The following LMX1A variants were observed in gnomAD, a reference collection of about 807,000 sequenced individuals.
LMX1A encodes the protein LIM homeobox transcription factor 1 alpha, also known as LIM homeobox transcription factor 1-alpha.
LMX1A carries 15 observed loss-of-function variants against 49.1 expected under a neutral mutation model. The observed-to-expected ratio is 0.31, with a 90% CI of 0.20 to 0.47. The LOEUF (loss-of-function observed/expected upper bound fraction) is 0.47. Among genes scored for constraint, LMX1A ranks in the 20% least tolerant of loss-of-function variants. The pLI is 1.00. For synonymous variants in LMX1A, 167 were observed against 185.7 expected, an observed-to-expected ratio of 0.90 and a Z score of 0.82; for missense variants, 372 against 475.8, an observed-to-expected ratio of 0.78 and a Z score of 2.03.
chr1:165,348,589 CA>C (rs1656322737), intron 3 of LMX1A, among the ~76,000 whole-genome samples: 1 of 152,026 alleles, frequency 6.6e-6, no homozygotes, highest in South Asian at 2.1e-4. Flanking sequence ...GGAGTAGGGA[CA>C]ACAAAAGATA....
intron 3 of LMX1A, among the ~76,000 whole-genome samples, chr1:165,273,474 G>A (rs921921803): frequency 1.2e-4 from 18 of 152,234 alleles, no homozygotes; most frequent in African/African-American, 4.3e-4. Context: ...AGAAAGTCAG[G>A]TGAACCAACT....
At chr1:165,227,565 A>ATACATACATACATACG (rs1336366147) in intron 4 of LMX1A, among the ~76,000 whole-genome samples, 1 of 152,020 alleles carries the variant, frequency 6.6e-6, no homozygotes, top group Non-Finnish European at 1.5e-5. Context: ...ACATACATAC[A>ATACATACATACATACG]TACATACATA....
chr1:165,303,091 T>A (rs1015629906), intron 3 of LMX1A, among the ~76,000 whole-genome samples: 3 of 152,224 alleles, frequency 2.0e-5, no homozygotes, highest in African/African-American at 2.4e-5. Context: ...TAAATAATCA[T>A]AATGAAACAC....
At chr1:165,234,870 G>T (rs1484707628) in intron 4 of LMX1A, among the ~76,000 whole-genome samples, 1 of 152,116 alleles carries the variant, frequency 6.6e-6, no homozygotes, top group African/African-American at 2.4e-5. Context: ...ATAGAGAGTA[G>T]GCCAGAAAGT....
chr1:165,212,907 G>A (rs1338852824), intron 5 of LMX1A: 1 of 152,110 alleles, frequency 6.6e-6, no homozygotes, highest in Non-Finnish European at 1.5e-5. Context: ...AGCAACCCCT[G>A]GATACATCCT....
At chr1:165,221,944 C>CACACAT (rs148884855) in intron 4 of LMX1A, among the ~76,000 whole-genome samples, 3,200 of 149,350 alleles carry the variant, frequency 0.021, 133 homozygotes, top group East Asian at 0.13. Context: ...CACACACACA[C>CACACAT]GCACACGCAC....
chr1:165,302,208 G>C (rs547242876), intron 3 of LMX1A, among the ~76,000 whole-genome samples: 11 of 151,938 alleles, frequency 7.2e-5, no homozygotes, highest in Admixed American at 3.3e-4. Flanking sequence ...GAGGCCGGTG[G>C]GGGGCGGGGT....
intron 3 of LMX1A, among the ~76,000 whole-genome samples, chr1:165,290,934 T>C (rs1325398204): frequency 1.3e-5 from 2 of 152,222 alleles, no homozygotes; most frequent in Non-Finnish European, 2.9e-5. Context: ...ACCAGTCTAG[T>C]GGGAATGAAC....
intron 3 of LMX1A, among the ~76,000 whole-genome samples, chr1:165,294,684 C>T (rs1654566362): frequency 6.6e-6 from 1 of 152,230 alleles, no homozygotes; most frequent in Non-Finnish European, 1.5e-5. Flanking sequence ...TACATGCGGG[C>T]TGGGCACGGT....
At chr1:165,206,126 T>C (rs1651069122) in intron 7 of LMX1A, 92 bp from the exon 8 acceptor site, 1 of 1,244,890 alleles carries the variant, frequency 8.0e-7, no homozygotes, top group Non-Finnish European at 1.1e-6. Flanking sequence ...TAAAATAAAA[T>C]GGGATGAGGT....
At chr1:165,347,704 A>G (rs1412957119) in intron 3 of LMX1A, among the ~76,000 whole-genome samples, 2 of 152,358 alleles carry the variant, frequency 1.3e-5, no homozygotes, top group East Asian at 3.9e-4. Flanking sequence ...ACTGTACTTA[A>G]TAACCAAGAT....
chr1:165,328,201 GC>G (rs1415074362), intron 3 of LMX1A, among the ~76,000 whole-genome samples: 1 of 152,214 alleles, frequency 6.6e-6, no homozygotes, highest in Non-Finnish European at 1.5e-5. Flanking sequence ...CTGGTCAGTT[GC>G]CCACAGGCAA....
chr1:165,334,214 C>T (rs1033797971), intron 3 of LMX1A, among the ~76,000 whole-genome samples: 6 of 152,066 alleles, frequency 3.9e-5, no homozygotes, highest in African/African-American at 1.4e-4. Context: ...ATGAACAAAG[C>T]AGTGAATAGA....
chr1:165,261,720 A>G (rs1653447030), intron 3 of LMX1A, among the ~76,000 whole-genome samples: 1 of 152,226 alleles, frequency 6.6e-6, no homozygotes, highest in African/African-American at 2.4e-5. Context: ...AAGGAAGAAA[A>G]TTCTAACATA....
chr1:165,292,847 G>A (rs968329710), intron 3 of LMX1A, among the ~76,000 whole-genome samples: 11 of 152,080 alleles, frequency 7.2e-5, no homozygotes, highest in Admixed American at 2.6e-4. Context: ...GTCCAGGCGC[G>A]GTGGCTCACG....
At chr1:165,242,944 A>AAC (rs1553204754) in intron 4 of LMX1A, among the ~76,000 whole-genome samples, 6 of 149,640 alleles carry the variant, frequency 4.0e-5, no homozygotes, top group African/African-American at 1.5e-4. Flanking sequence ...AAAAAAAAAA[A>AAC]AAACAAAACA....
chr1:165,351,047 T>C (rs1345436680), intron 3 of LMX1A, among the ~76,000 whole-genome samples: 10 of 152,240 alleles, frequency 6.6e-5, no homozygotes, highest in Non-Finnish European at 1.5e-4. Context: ...GGAAGGGACA[T>C]TGTTGTGTTA....
intron 3 of LMX1A, among the ~76,000 whole-genome samples, chr1:165,279,673 T>C (rs777794067): frequency 2.0e-5 from 3 of 152,132 alleles, no homozygotes; most frequent in Admixed American, 2.0e-4. Context: ...ACAAATGGCA[T>C]AGGGCAAATT....
Position 165,232,783 on chromosome 1 carries a change from C to T in LMX1A, c.496+16625G>A, listed in dbSNP as rs764344113. On this transcript the variant is annotated intron_variant, in intron 4 of 8. Transcript: ENST00000342310. ...GTCCCTCCTTCAAGAACCAAAACTC[C>T]CTCTGGTCACACCCCAGCTGTTAGA... Among the ~76,000 whole-genome samples, 3 of 152,140 alleles carry T rather than the reference C, an allele frequency of 2.0e-5. 1 individual carries two copies. The highest frequency in any genetic ancestry group is 4.4e-5 in the Non-Finnish European group (3 of 68,018).
Sources: gnomAD v4.1 joint callset for allele counts (sites outside exome capture counted in the v4.1 genomes callset) on GRCh38, gnomAD v4.1.1 for gene constraint, MANE v1.5 for transcripts, NCBI Gene and HGNC (gene_info 2026-07-23, HGNC 2026-07-21) for gene names.